Variants in AHCYL2 observed in about 807,000 individuals in gnomAD.
AHCYL2 encodes the protein adenosylhomocysteinase like 2.
A neutral mutation model predicts 81.4 loss-of-function variants in AHCYL2; 28 were observed. That is an observed-to-expected ratio of 0.34 (90% confidence interval 0.25 to 0.47). The LOEUF is 0.47. Ranked by LOEUF, AHCYL2 falls within the 20% of genes least tolerant of loss-of-function variation. The pLI, the probability that AHCYL2 is intolerant of heterozygous loss-of-function variation, is 1.00. For synonymous variants in AHCYL2, 272 were observed against 290.2 expected, an observed-to-expected ratio of 0.94 and a Z score of 0.64; for missense variants, 551 against 785.1, an observed-to-expected ratio of 0.70 and a Z score of 3.56.
chr7:129,325,263 C>T (rs1798179130), intron 1 of AHCYL2, among the ~76,000 whole-genome samples: 1 of 151,874 alleles, frequency 6.6e-6, no homozygotes, highest in South Asian at 2.1e-4. Flanking sequence ...TGTATTTTGC[C>T]TTTGTTTTTG....
intron 1 of AHCYL2, among the ~76,000 whole-genome samples, chr7:129,361,752 A>C (rs1372784877): frequency 6.6e-6 from 1 of 151,336 alleles, no homozygotes; most frequent in Non-Finnish European, 1.5e-5. Context: ...CAGCCTCCCC[A>C]GTAGCCAGGA....
At chr7:129,352,632 G>A (rs1465960852) in intron 1 of AHCYL2, among the ~76,000 whole-genome samples, 2 of 151,988 alleles carry the variant, frequency 1.3e-5, no homozygotes, top group African/African-American at 2.4e-5. Flanking sequence ...CGTCCAATCC[G>A]TTAGCAAGTC....
chr7:129,262,650 A>G (rs1795682551), intron 1 of AHCYL2, among the ~76,000 whole-genome samples: 1 of 152,086 alleles, frequency 6.6e-6, no homozygotes, highest in African/African-American at 2.4e-5. Context: ...TTTCTGTTTA[A>G]CCCTTAGGAA....
chr7:129,384,595 A>G (rs1405422463), intron 2 of AHCYL2, among the ~76,000 whole-genome samples: 2 of 152,112 alleles, frequency 1.3e-5, no homozygotes, highest in Non-Finnish European at 2.9e-5. Flanking sequence ...TCCTGTCCAA[A>G]GTGCTTGTTT....
chr7:129,324,601 T>C (rs1005624440), intron 1 of AHCYL2, among the ~76,000 whole-genome samples: 22 of 152,176 alleles, frequency 1.4e-4, no homozygotes, highest in African/African-American at 4.8e-4. Context: ...TTGCAAGCTC[T>C]GCCTCCCGGG....
intron 11 of AHCYL2, among the ~76,000 whole-genome samples, chr7:129,412,813 T>C (rs1267982510): frequency 6.6e-6 from 1 of 152,180 alleles, no homozygotes; most frequent in Non-Finnish European, 1.5e-5. Flanking sequence ...GTACATCTTC[T>C]CTGAAGAAAT....
intron 1 of AHCYL2, among the ~76,000 whole-genome samples, chr7:129,265,569 G>A (rs1795788454): frequency 6.6e-6 from 1 of 152,162 alleles, no homozygotes; most frequent in African/African-American, 2.4e-5. Context: ...TCAGGAATTA[G>A]CAAGGAGGCA....
intron 1 of AHCYL2, among the ~76,000 whole-genome samples, chr7:129,281,408 A>G (rs1257996285): frequency 6.6e-6 from 1 of 151,434 alleles, no homozygotes; most frequent in East Asian, 1.9e-4. Flanking sequence ...AGTGTTCTAG[A>G]AGAGTTTTTA....
intron 10 of AHCYL2, among the ~76,000 whole-genome samples, chr7:129,407,220 T>C (rs948632000): frequency 6.6e-6 from 1 of 152,060 alleles, no homozygotes; most frequent in African/African-American, 2.4e-5. Context: ...GGTGTGGTGG[T>C]GCATGCCTGT....
At chr7:129,333,972 G>A (rs1798509213) in intron 1 of AHCYL2, among the ~76,000 whole-genome samples, 1 of 151,962 alleles carries the variant, frequency 6.6e-6, no homozygotes, top group Non-Finnish European at 1.5e-5. Context: ...TTACACAATA[G>A]GGTAGTATAA....
chr7:129,273,290 A>G (rs1796081169), intron 1 of AHCYL2, among the ~76,000 whole-genome samples: 1 of 146,838 alleles, frequency 6.8e-6, no homozygotes, highest in African/African-American at 2.5e-5. Context: ...TAAAGATCTC[A>G]GTGATGCAAC....
intron 1 of AHCYL2, among the ~76,000 whole-genome samples, chr7:129,348,572 A>C (rs1379481046): frequency 6.6e-6 from 1 of 152,208 alleles, no homozygotes; most frequent in East Asian, 1.9e-4. Context: ...CAAATGAAGA[A>C]ATAAAATTCA....
At chr7:129,345,307 G>A (rs1394063282) in intron 1 of AHCYL2, among the ~76,000 whole-genome samples, 3 of 152,190 alleles carry the variant, frequency 2.0e-5, no homozygotes, top group Non-Finnish European at 4.4e-5. Context: ...ACCTGAAGGT[G>A]AAGAAGTTGA....
intron 1 of AHCYL2, among the ~76,000 whole-genome samples, chr7:129,256,549 A>AG (rs1554470556): frequency 4.7e-5 from 3 of 63,744 alleles, no homozygotes; most frequent in African/African-American, 2.1e-4. Context: ...CCCACCCCCC[A>AG]CCCCCCCCCC....
chr7:129,387,886 C>T (rs777193590), intron 2 of AHCYL2, among the ~76,000 whole-genome samples: 12 of 152,114 alleles, frequency 7.9e-5, no homozygotes, highest in South Asian at 4.1e-4. Context: ...TGCTCCAGCT[C>T]CAAAAGAGAT....
intron 1 of AHCYL2, among the ~76,000 whole-genome samples, chr7:129,288,818 G>C (rs190343355): frequency 6.6e-6 from 1 of 151,992 alleles, no homozygotes; most frequent in African/African-American, 2.4e-5. Context: ...ACCCAGGCTG[G>C]AGGTGCAGTA....
At chr7:129,240,723 A>G (rs902171342) in intron 1 of AHCYL2, among the ~76,000 whole-genome samples, 2 of 151,662 alleles carry the variant, frequency 1.3e-5, no homozygotes, top group Non-Finnish European at 2.9e-5. Context: ...GCACTAATTA[A>G]CACACTCCCT....
intron 12 of AHCYL2, among the ~76,000 whole-genome samples, chr7:129,416,979 T>G (rs1324397853): frequency 1.3e-5 from 2 of 151,054 alleles, no homozygotes; most frequent in East Asian, 3.9e-4. Context: ...CAAAACAAAA[T>G]TAGTTGGGTG....
At chr7:129,233,694 G>T (rs989173116) in intron 1 of AHCYL2, among the ~76,000 whole-genome samples, 1 of 152,012 alleles carries the variant, frequency 6.6e-6, no homozygotes, top group Non-Finnish European at 1.5e-5. Flanking sequence ...CACCGTGTTC[G>T]CCAGAATGGC....
Sources: gnomAD v4.1 joint callset for allele counts (sites outside exome capture counted in the v4.1 genomes callset) on GRCh38, gnomAD v4.1.1 for gene constraint, MANE v1.5 for transcripts, NCBI Gene and HGNC (gene_info 2026-07-23, HGNC 2026-07-21) for gene names.